Variants in JMJD1C observed in about 807,000 individuals in gnomAD.
JMJD1C encodes the protein jumonji domain-containing protein 1C.
A neutral mutation model predicts 245.3 loss-of-function variants in JMJD1C; 31 were observed. That is an observed-to-expected ratio of 0.13 (90% CI 0.09 to 0.17). JMJD1C has a LOEUF of 0.17. Ranked by LOEUF, JMJD1C falls within the 10% of genes least tolerant of loss-of-function variation. JMJD1C has a pLI of 1.00. For synonymous variants in JMJD1C, 1,057 were observed against 1,017.4 expected (o/e 1.04, Z -0.74); for missense variants, 2,691 against 3,000.2 (o/e 0.90, Z 2.41).
At chr10:63,438,314 C>T (rs1951173576) in intron 1 of JMJD1C, among the ~76,000 whole-genome samples, 1 of 152,150 alleles carries the variant, frequency 6.6e-6, no homozygotes, top group African/African-American at 2.4e-5. Context: ...TGCAATTCAG[C>T]AACCCACTCT....
intron 3 of JMJD1C, among the ~76,000 whole-genome samples, chr10:63,251,810 A>G (rs1397438665): frequency 6.6e-6 from 1 of 152,190 alleles, no homozygotes; most frequent in Non-Finnish European, 1.5e-5. Context: ...TCAGGAGTTC[A>G]AGACCAGCCT....
At chr10:63,283,006 A>G (rs1857576019) in intron 2 of JMJD1C, among the ~76,000 whole-genome samples, 1 of 152,098 alleles carries the variant, frequency 6.6e-6, no homozygotes, top group African/African-American at 2.4e-5. Flanking sequence ...TGTGAGCCAC[A>G]GCGCCCAGCC....
intron 1 of JMJD1C, among the ~76,000 whole-genome samples, chr10:63,394,810 C>T (rs1211016513): frequency 1.3e-5 from 2 of 148,542 alleles, no homozygotes; most frequent in Non-Finnish European, 3.0e-5. Flanking sequence ...CGCCATTGCA[C>T]TCTAGCCTGG....
chr10:63,410,799 C>T (rs1172363080), intron 1 of JMJD1C, among the ~76,000 whole-genome samples: 3 of 152,096 alleles, frequency 2.0e-5, no homozygotes, highest in Admixed American at 6.6e-5. Flanking sequence ...AAGAGAACTC[C>T]AGAGCTCTAA....
chr10:63,301,011 A>C (rs908638400), intron 2 of JMJD1C, among the ~76,000 whole-genome samples: 1 of 152,216 alleles, frequency 6.6e-6, no homozygotes, highest in Non-Finnish European at 1.5e-5. Context: ...GGGCAATAAA[A>C]GAAAATGCAT....
At chr10:63,248,442 A>T (rs994430696) in intron 3 of JMJD1C, among the ~76,000 whole-genome samples, 1 of 148,860 alleles carries the variant, frequency 6.7e-6, no homozygotes, top group African/African-American at 2.4e-5. Context: ...AATCACTTGA[A>T]TCCGGGAGGC....
intron 3 of JMJD1C, among the ~76,000 whole-genome samples, chr10:63,225,769 G>A (rs1849194316): frequency 6.8e-6 from 1 of 147,306 alleles, no homozygotes; most frequent in Non-Finnish European, 1.5e-5. Context: ...GCAAGAGCGA[G>A]ACTGCATCTC....
intron 1 of JMJD1C, among the ~76,000 whole-genome samples, chr10:63,450,105 C>G (rs567510032): frequency 6.6e-6 from 1 of 151,678 alleles, no homozygotes; most frequent in Non-Finnish European, 1.5e-5. Flanking sequence ...AGAGTGAGAC[C>G]CTGTCTCAAA....
At chr10:63,326,644 C>T (rs866603988) in intron 2 of JMJD1C, among the ~76,000 whole-genome samples, 82 of 152,024 alleles carry the variant, frequency 5.4e-4, no homozygotes, top group African/African-American at 1.9e-3. Flanking sequence ...CTTTGGGAGG[C>T]CGAGGCAGGC....
intron 1 of JMJD1C, among the ~76,000 whole-genome samples, chr10:63,449,621 C>A (rs945924563): frequency 2.0e-5 from 3 of 151,894 alleles, no homozygotes; most frequent in African/African-American, 7.3e-5. Flanking sequence ...CAATATACAT[C>A]TAAGTGTCAA....
rs1240086815 is a variant in JMJD1C at position 63,204,347 on chromosome 10, T to TG, written c.5074+2247dup. ...CTGGGGGAAAAAAAGGCACTCATTC[T>TG]GGCCCTTTTCTTAGAACTCTTACAT... is the stretch of plus-strand genomic sequence containing the variant. On this transcript the variant is annotated intron_variant, in intron 10 of 25. Coordinates refer to ENST00000399262, the MANE Select transcript of JMJD1C (RefSeq NM_032776.3). The TG allele has an allele frequency of 1.3e-5, 13 of 985,426 alleles. No individual in the cohort carries two copies. The African/African-American group carries it at 2.3e-4, about 17-fold the overall frequency. 61.0% of individuals were successfully genotyped at this position (985,426 alleles called of 1,614,324 possible).
At chr10:63,438,066 C>T (rs1160927231) in intron 1 of JMJD1C, among the ~76,000 whole-genome samples, 2 of 152,126 alleles carry the variant, frequency 1.3e-5, no homozygotes, top group Admixed American at 6.6e-5. Flanking sequence ...CCAGCCTAGA[C>T]CTCTCCCTTT....
At chr10:63,366,636 G>C (rs1326336811) in intron 2 of JMJD1C, among the ~76,000 whole-genome samples, 1 of 152,164 alleles carries the variant, frequency 6.6e-6, no homozygotes, top group Non-Finnish European at 1.5e-5. Context: ...TGGTTACAAG[G>C]CCACTCATGG....
chr10:63,509,879 T>G (rs1589840499), intron 1 of JMJD1C, among the ~76,000 whole-genome samples: 1 of 152,320 alleles, frequency 6.6e-6, no homozygotes, highest in East Asian at 1.9e-4. Flanking sequence ...TCTCTAGGTG[T>G]TTACTGATTT....
At chr10:63,282,907 AG>A (rs1391934991) in intron 2 of JMJD1C, among the ~76,000 whole-genome samples, 3 of 152,158 alleles carry the variant, frequency 2.0e-5, no homozygotes, top group Admixed American at 6.5e-5. Context: ...TAGTAGAGAC[AG>A]GGTTTTACCG....
intron 24 of JMJD1C, among the ~76,000 whole-genome samples, chr10:63,169,048 G>A (rs938842700): frequency 1.3e-5 from 2 of 152,166 alleles, no homozygotes; most frequent in African/African-American, 4.8e-5. Context: ...GATGGAAAAT[G>A]TAGTCCCAGA....
chr10:63,490,910 CA>C (rs570820555), intron 1 of JMJD1C, among the ~76,000 whole-genome samples: 3 of 152,188 alleles, frequency 2.0e-5, no homozygotes, highest in Non-Finnish European at 4.4e-5. Context: ...ACAAAAATAA[CA>C]GTTAACATTT....
chr10:63,316,810 CAAGTT>C (rs1940126824), intron 2 of JMJD1C, among the ~76,000 whole-genome samples: 1 of 152,006 alleles, frequency 6.6e-6, no homozygotes, highest in South Asian at 2.1e-4. Context: ...TTGTATTGAT[CAAGTT>C]AAGGTATTTA....
chr10:63,236,086 T>C (rs1850697026), intron 3 of JMJD1C, among the ~76,000 whole-genome samples: 1 of 152,252 alleles, frequency 6.6e-6, no homozygotes, highest in African/African-American at 2.4e-5. Flanking sequence ...ATACATGTCC[T>C]ATTACATCAA....
Sources: gnomAD v4.1 joint callset for allele counts (sites outside exome capture counted in the v4.1 genomes callset) on GRCh38, gnomAD v4.1.1 for gene constraint, MANE v1.5 for transcripts, NCBI Gene and HGNC (gene_info 2026-07-23, HGNC 2026-07-21) for gene names.